Variants in COQ5 observed in about 807,000 individuals in gnomAD.
COQ5 encodes 2-methoxy-6-polyprenyl-1,4-benzoquinol methylase, mitochondrial.
In COQ5, 27 loss-of-function variants were observed where a neutral mutation model predicts 40.5. The observed-to-expected ratio is 0.67, with a 90% CI of 0.49 to 0.92. COQ5 has a LOEUF of 0.92. COQ5 is among the 40% of genes least tolerant of loss of function. The probability of loss-of-function intolerance (pLI) is 0.00; values close to 1 mark genes in which losing one functional copy is unlikely to be tolerated. For missense variants in COQ5, 409 were observed against 406.4 expected, an observed-to-expected ratio of 1.01 and a Z score of -0.06; for synonymous variants, 141 against 150.0, an observed-to-expected ratio of 0.94 and a Z score of 0.44.
At chr12:120,508,818 G>C (rs1868999257) in intron 4 of COQ5, among the ~76,000 whole-genome samples, 1 of 152,086 alleles carries the variant, frequency 6.6e-6, no homozygotes, top group African/African-American at 2.4e-5. Context: ...GAGGTCAAGA[G>C]ACAGAGACCA....
intron 1 of COQ5, among the ~76,000 whole-genome samples, chr12:120,525,715 G>C (rs949468874): frequency 2.6e-5 from 4 of 152,014 alleles, no homozygotes; most frequent in Non-Finnish European, 5.9e-5. Context: ...ACGAGGTCCA[G>C]AGATCGAGAC....
intron 1 of COQ5, chr12:120,527,289 TTGGCCAGGC>T (rs1469077896): frequency 6.6e-6 from 1 of 151,846 alleles, no homozygotes; most frequent in Non-Finnish European, 1.5e-5. Context: ...TTTCACCACG[TTGGCCAGGC>T]TGGTCTCGAA....
chr12:120,503,967 T>C lies in COQ5; in HGVS notation c.882+3A>G, dbSNP rs1028370439. 3 of 1,608,072 alleles carry C rather than the reference T, an allele frequency of 1.9e-6. No individual in the cohort carries two copies. The highest frequency in any genetic ancestry group is 2.6e-6 in the Non-Finnish European group (3 of 1,174,548). On this transcript the variant is annotated splice_donor_region_variant and intron_variant, in intron 6 of 6. Transcript: ENST00000288532. The stretch of plus-strand genomic sequence containing the variant: ...TTTGTTTAAAGCTATAGAAGTTTCA[T>C]ACCTGAGACGGAAACCTTCGGATAC...
intron 2 of COQ5, among the ~76,000 whole-genome samples, chr12:120,518,589 G>A (rs1390710850): frequency 1.3e-5 from 2 of 150,036 alleles, no homozygotes; most frequent in Non-Finnish European, 3.0e-5. Flanking sequence ...TCCCTGAGAC[G>A]GAGGCTCGCT....
chr12:120,504,408 ATTTTTTTTTTTTT>A (rs33973905), intron 5 of COQ5, among the ~76,000 whole-genome samples: 1 of 111,066 alleles, frequency 9.0e-6, no homozygotes, highest in Non-Finnish European at 1.8e-5. Flanking sequence ...CCTGATTTAA[ATTTTTTTTTTTTT>A]TTTTTTTTTT....
At chr12:120,519,794 T>C (rs1869555643) in intron 2 of COQ5, among the ~76,000 whole-genome samples, 2 of 145,376 alleles carry the variant, frequency 1.4e-5, no homozygotes, top group Non-Finnish European at 3.0e-5. Context: ...CGCTTGAACC[T>C]AGGAGGCAGA....
At chr12:120,524,409 C>T (rs1163932276) in intron 1 of COQ5, among the ~76,000 whole-genome samples, 1 of 151,738 alleles carries the variant, frequency 6.6e-6, no homozygotes, top group Non-Finnish European at 1.5e-5. Context: ...TACAGGCACT[C>T]GCCACCACGC....
Position 120,529,144 on chromosome 12 carries a change from T to C in COQ5, c.-3A>G. On this transcript the variant is annotated 5_prime_UTR_variant, in exon 1 of 7. Transcript: ENST00000288532. Reference sequence around the variant, plus strand: ...GCACAGCTCCCGGGGGCCGCCATCTTGGTAGTCGAGTGACAACGGCCAGAG... The same window carrying C: ...GCACAGCTCCCGGGGGCCGCCATCTCGGTAGTCGAGTGACAACGGCCAGAG... 1 of 1,612,438 alleles carries C rather than the reference T, an allele frequency of 6.2e-7. No homozygotes were observed. Among genetic ancestry groups the C allele is most frequent in the Non-Finnish European group, 8.5e-7 (1 of 1,179,238 alleles).
chr12:120,518,106 C>T (rs1869466588), intron 2 of COQ5, among the ~76,000 whole-genome samples: 1 of 152,066 alleles, frequency 6.6e-6, no homozygotes, highest in African/African-American at 2.4e-5. Flanking sequence ...TGCGCCTGGC[C>T]CTATATTTCC....
chr12:120,504,131 T>A, intron 5 of COQ5, 50 bp from the exon 6 acceptor site: 2 of 1,076,292 alleles, frequency 1.9e-6, no homozygotes, highest in Non-Finnish European at 2.9e-6. Flanking sequence ...GCCCCTCACT[T>A]CTTCCCTAGA....
intron 1 of COQ5, chr12:120,522,855 C>T: frequency 5.7e-6 from 4 of 707,700 alleles, no homozygotes; most frequent in South Asian, 4.7e-5. Flanking sequence ...GCGGCTGACA[C>T]CCTTTGGGAT....
rs1266159575 is a variant in COQ5, at chr12:120,504,888, T to C, written c.770+7A>G. The C allele has an allele frequency of 1.2e-6, 2 of 1,613,320 alleles. No individual in the cohort carries two copies. Among genetic ancestry groups the C allele is most frequent in the Non-Finnish European group, 1.7e-6 (2 of 1,179,282 alleles). On this transcript the variant is annotated splice_region_variant and intron_variant, in intron 5 of 6. Transcript: ENST00000288532. ...AATGAAGATAAAGCCCTATTAACAA[T>C]GCCAACCTGGATATGAGGGGATTGT... is the stretch of plus-strand genomic sequence containing the variant.
intron 4 of COQ5, among the ~76,000 whole-genome samples, chr12:120,506,370 T>A (rs952099053): frequency 5.7e-5 from 8 of 141,404 alleles, no homozygotes; most frequent in South Asian, 2.2e-4. Context: ...CTGTTTAAAA[T>A]TTTTTTTTTT....
chr12:120,512,991 G>T (rs754031522), intron 3 of COQ5, among the ~76,000 whole-genome samples: 17 of 150,926 alleles, frequency 1.1e-4, no homozygotes, highest in Non-Finnish European at 2.2e-4. Context: ...GTAGAGACAG[G>T]GTTTCGCCAT....
At chr12:120,515,474 A>G (rs921574078) in intron 3 of COQ5, among the ~76,000 whole-genome samples, 1 of 152,210 alleles carries the variant, frequency 6.6e-6, no homozygotes, top group East Asian at 1.9e-4. Context: ...TCATCTGCCT[A>G]TCTGCTGTTC....
Position 120,503,960 on chromosome 12 carries a change from A to G in COQ5, c.882+10T>C, listed in dbSNP as rs777730088. 8 of 1,603,618 alleles carry G rather than the reference A, an allele frequency of 5.0e-6. No individual in the cohort carries two copies. The highest frequency in any genetic ancestry group is 6.0e-6 in the Non-Finnish European group (7 of 1,170,346). ...TAGGGCCTTTGTTTAAAGCTATAGAAGTTTCATACCTGAGACGGAAACCTT... is the reference window on the plus strand; with the variant it reads ...TAGGGCCTTTGTTTAAAGCTATAGAGGTTTCATACCTGAGACGGAAACCTT... On this transcript the variant is annotated intron_variant, in intron 6 of 6. Transcript: ENST00000288532.
intron 4 of COQ5, 37 bp downstream of exon 4, chr12:120,509,980 T>C: frequency 1.3e-6 from 2 of 1,503,570 alleles, no homozygotes; most frequent in African/African-American, 1.4e-5. Flanking sequence ...GGTAATTTCC[T>C]GAGAGTCATA....
At chr12:120,521,790 A>G (rs950345233) in intron 2 of COQ5, among the ~76,000 whole-genome samples, 1 of 152,058 alleles carries the variant, frequency 6.6e-6, no homozygotes. Flanking sequence ...TGAACTCAGG[A>G]GTTCGAGACC....
chr12:120,526,223 T>G (rs1869935756), intron 1 of COQ5, among the ~76,000 whole-genome samples: 1 of 152,240 alleles, frequency 6.6e-6, no homozygotes, highest in Non-Finnish European at 1.5e-5. Flanking sequence ...CAGTAAAGCA[T>G]GTACTTGTAT....
Sources: gnomAD v4.1 joint callset for allele counts (sites outside exome capture counted in the v4.1 genomes callset) on GRCh38, gnomAD v4.1.1 for gene constraint, MANE v1.5 for transcripts, NCBI Gene and HGNC (gene_info 2026-07-23, HGNC 2026-07-21) for gene names.